Variants in HPD observed in about 807,000 individuals in gnomAD.
The protein encoded by HPD is 4-hydroxyphenylpyruvic acid oxidase.
HPD carries 35 observed loss-of-function variants against 56.9 expected under a neutral mutation model. That is an observed-to-expected ratio of 0.62 (90% confidence interval 0.47 to 0.82). HPD has a LOEUF of 0.82. Among genes scored for constraint, HPD ranks in the 40% least tolerant of loss-of-function variants. The pLI, the probability that HPD is intolerant of heterozygous loss-of-function variation, is 0.00. For synonymous variants in HPD, 186 were observed against 200.2 expected (o/e 0.93, Z 0.60); for missense variants, 442 against 506.8 (o/e 0.87, Z 1.23).
chr12:121,860,821 A>T (rs1042665737), upstream of HPD, among the ~76,000 whole-genome samples: 1 of 152,076 alleles, frequency 6.6e-6, no homozygotes, highest in Non-Finnish European at 1.5e-5. Context: ...TGGGAGGATC[A>T]CTTGAGTCCA....
At chr12:121,874,213 A>G in the HPD span, 2 of 152,138 alleles carry the variant, frequency 1.3e-5, no homozygotes, top group Admixed American at 6.6e-5. Context: ...CTTGAGATTC[A>G]AGAAGAGGAA....
At chr12:121,865,562 C>A (rs1189734924), upstream of HPD, among the ~76,000 whole-genome samples, 1 of 147,514 alleles carries the variant, frequency 6.8e-6, no homozygotes, top group African/African-American at 2.5e-5. Context: ...AGCCACTGTG[C>A]CCAGCCACGA....
chr12:121,873,653 C>A, the HPD span, among the ~76,000 whole-genome samples: 1 of 152,016 alleles, frequency 6.6e-6, no homozygotes, highest in Admixed American at 6.6e-5. Flanking sequence ...CCCATCTCTA[C>A]TAAAAAAATA....
chr12:121,854,797 AGAG>A lies in HPD; in HGVS notation c.325-8_325-6del, dbSNP rs1430465799. ...GGCGCCCCGTTCCCGTGCTTTCTGC[AGAG>A]AAGATGGGATCGGGGAATTGGTGAG... On this transcript the variant is annotated splice_polypyrimidine_tract_variant and splice_region_variant and intron_variant, in intron 6 of 13. Transcript: ENST00000289004. 1 of 1,611,002 alleles carries A rather than the reference AGAG, an allele frequency of 6.2e-7. No homozygotes were observed. The highest frequency in any genetic ancestry group is 1.3e-5 in the African/African-American group (1 of 74,854).
upstream of HPD, among the ~76,000 whole-genome samples, chr12:121,860,366 C>T (rs1335993114): frequency 6.6e-6 from 1 of 152,148 alleles, no homozygotes; most frequent in Non-Finnish European, 1.5e-5. Context: ...ATGCTAAGCA[C>T]AAAGGCCAAT....
rs909217162 is a variant in HPD, at chr12:121,856,362, T to C, written c.286A>G (p.Ile96Val). The C allele has an allele frequency of 4.3e-6, 7 of 1,614,034 alleles. No homozygotes were observed. In the African/African-American group the frequency reaches 6.7e-5, roughly 15 times the overall value. The change falls in exon 6 of 14, where the codon ATT becomes GTT. Residue 96 changes from isoleucine to valine, a missense_variant. Transcript: ENST00000289004. ...LVKHGDGVKD[I>V]AFEVEDCDYI... The stretch of plus-strand genomic sequence containing the variant: ...TCACAATCTTCCACCTCGAACGCAA[T>C]GTCCTTCACTCCGTCACCGTGTTTC...
the HPD span, among the ~76,000 whole-genome samples, chr12:121,876,358 C>T: frequency 6.6e-6 from 1 of 152,084 alleles, no homozygotes; most frequent in Non-Finnish European, 1.5e-5. Flanking sequence ...GAGAATTGAC[C>T]GTGGGCTCTC....
At chr12:121,888,220 T>C in the HPD span, among the ~76,000 whole-genome samples, 2 of 152,168 alleles carry the variant, frequency 1.3e-5, no homozygotes, top group Non-Finnish European at 2.9e-5. Flanking sequence ...ATATGGCTCA[T>C]AGGAATCATT....
chr12:121,857,876 C>T lies in HPD; in HGVS notation c.31-57G>A, dbSNP rs1320540631. 27 of 1,389,102 alleles carry T rather than the reference C, an allele frequency of 1.9e-5. No homozygotes were observed. In the East Asian group the frequency reaches 2.1e-4, roughly 11 times the overall value. 86.0% of individuals were successfully genotyped at this position (1,389,102 alleles called of 1,614,324 possible). ...CCCTGAAAGTGAGTCTAGAAAAGTG[C>T]GGGTGGAGTGATGTCCCCTAGCCAC... On this transcript the variant is annotated intron_variant, in intron 2 of 13. Coordinates refer to ENST00000289004, the MANE Select transcript of HPD (RefSeq NM_002150.3).
chr12:121,851,715 T>A lies in HPD; in HGVS notation c.415-1925A>T, dbSNP rs1316455963. On this transcript the variant is annotated intron_variant, in intron 7 of 13. Transcript: ENST00000289004. ...TATTTATTTATTTTTTTTTTTTTTT[T>A]TTTTTTTTTTTTGAGACGGAGTCTC... is the stretch of plus-strand genomic sequence containing the variant. Among the ~76,000 whole-genome samples, 11 of 3,052 alleles carry A rather than the reference T, an allele frequency of 3.6e-3. 2 individuals carry two copies. The highest frequency in any genetic ancestry group is 0.026 in the East Asian group (2 of 76). 2.0% of individuals were successfully genotyped at this position (3,052 alleles called of 152,430 possible).
At chr12:121,861,218 C>T (rs1313064498), upstream of HPD, among the ~76,000 whole-genome samples, 2 of 151,984 alleles carry the variant, frequency 1.3e-5, no homozygotes, top group African/African-American at 2.4e-5. Context: ...CACCTGTAGT[C>T]CCATCTACTT....
the HPD span, among the ~76,000 whole-genome samples, chr12:121,875,802 T>C: frequency 1.3e-5 from 2 of 152,078 alleles, no homozygotes; most frequent in African/African-American, 4.8e-5. Context: ...ACCAAACGGA[T>C]ACAAACAGAA....
the HPD span, among the ~76,000 whole-genome samples, chr12:121,868,770 C>T: frequency 1.3e-5 from 2 of 152,108 alleles, no homozygotes; most frequent in African/African-American, 4.8e-5. Flanking sequence ...ATCCACCTGC[C>T]TCAGCCTCCC....
At chr12:121,885,203 C>T in the HPD span, among the ~76,000 whole-genome samples, 1 of 144,244 alleles carries the variant, frequency 6.9e-6, no homozygotes, top group Non-Finnish European at 1.5e-5. Context: ...ACATATATAT[C>T]TGTATTTTTT....
chr12:121,844,325 G>A (rs1345714385), intron 11 of HPD, among the ~76,000 whole-genome samples: 13 of 152,020 alleles, frequency 8.6e-5, no homozygotes, highest in African/African-American at 2.4e-4. Context: ...GATTACAGGC[G>A]TGAGCCACTG....
intron 11 of HPD, among the ~76,000 whole-genome samples, chr12:121,846,186 A>G (rs1482657806): frequency 6.6e-6 from 1 of 152,140 alleles, no homozygotes; most frequent in African/African-American, 2.4e-5. Flanking sequence ...GGCATAAGCC[A>G]CTGTGCCCAG....
the HPD span, among the ~76,000 whole-genome samples, chr12:121,872,352 G>C: frequency 6.6e-6 from 1 of 151,448 alleles, no homozygotes; most frequent in Non-Finnish European, 1.5e-5. Flanking sequence ...TCAGCCTCCT[G>C]AGTAGCTGGG....
At chr12:121,852,827 T>G (rs537810280) in intron 7 of HPD, among the ~76,000 whole-genome samples, 1 of 151,198 alleles carries the variant, frequency 6.6e-6, no homozygotes, top group Admixed American at 6.6e-5. Flanking sequence ...TTAGTAGAGG[T>G]GGGGTTTCAC....
At chr12:121,864,121 C>G (rs1878258370), upstream of HPD, among the ~76,000 whole-genome samples, 1 of 151,424 alleles carries the variant, frequency 6.6e-6, no homozygotes, top group Admixed American at 6.6e-5. Flanking sequence ...TGGTACACAC[C>G]TGTAATCCTA....
Sources: allele counts gnomAD v4.1 joint callset (sites outside exome capture counted in the v4.1 genomes callset), GRCh38; gene constraint gnomAD v4.1.1; transcripts MANE v1.5; gene names NCBI Gene and HGNC (gene_info 2026-07-23, HGNC 2026-07-21).